PDE4B: variants seen among roughly 807,000 people sequenced by gnomAD.
PDE4B encodes 3',5'-cyclic-AMP phosphodiesterase 4B.
A neutral mutation model predicts 82.2 loss-of-function variants in PDE4B; 20 were observed. The ratio of observed to expected loss-of-function variants is 0.24; its 90% confidence interval spans 0.17 to 0.35. PDE4B has a LOEUF of 0.35. Ranked by LOEUF, PDE4B falls within the 10% of genes least tolerant of loss-of-function variation. The pLI, the probability that PDE4B is intolerant of heterozygous loss-of-function variation, is 1.00. For synonymous variants in PDE4B, 320 were observed against 318.9 expected, an observed-to-expected ratio of 1.00 and a Z score of -0.04; for missense variants, 655 against 907.2, an observed-to-expected ratio of 0.72 and a Z score of 3.57.
chr1:66,230,868 A>G (rs1295212817), intron 3 of PDE4B, among the ~76,000 whole-genome samples: 2 of 152,146 alleles, frequency 1.3e-5, no homozygotes, highest in Non-Finnish European at 2.9e-5. Flanking sequence ...CAACATGGTG[A>G]AACCCTGCTT....
At chr1:65,887,168 T>TTCCC (rs1167173888) in intron 1 of PDE4B, among the ~76,000 whole-genome samples, 5 of 138,130 alleles carry the variant, frequency 3.6e-5, no homozygotes, top group Non-Finnish European at 6.2e-5. Context: ...CCTTCCTTCC[T>TTCCC]TCCCTCCCTC....
At chr1:66,048,119 C>T (rs149862471) in intron 3 of PDE4B, among the ~76,000 whole-genome samples, 11 of 152,008 alleles carry the variant, frequency 7.2e-5, no homozygotes, top group East Asian at 3.9e-4. Flanking sequence ...AGAAAGCTCA[C>T]GGTTCTCTCA....
chr1:66,358,891 T>G (rs988158220), intron 9 of PDE4B, among the ~76,000 whole-genome samples: 7 of 152,080 alleles, frequency 4.6e-5, no homozygotes, highest in Non-Finnish European at 1.0e-4. Flanking sequence ...ACTTGTGTCA[T>G]TCCTATCTTT....
intron 3 of PDE4B, among the ~76,000 whole-genome samples, chr1:66,192,666 T>C (rs1006719253): frequency 6.6e-6 from 1 of 152,162 alleles, no homozygotes; most frequent in Non-Finnish European, 1.5e-5. Context: ...AGACATGGCT[T>C]TCATGGTTTC....
chr1:65,872,402 G>A (rs767685983), intron 1 of PDE4B, among the ~76,000 whole-genome samples: 6 of 151,906 alleles, frequency 3.9e-5, no homozygotes, highest in Admixed American at 2.6e-4. Context: ...GATACTTCTC[G>A]GTAGGGTCCA....
At chr1:66,209,170 G>T (rs1158477020) in intron 3 of PDE4B, among the ~76,000 whole-genome samples, 2 of 152,192 alleles carry the variant, frequency 1.3e-5, no homozygotes, top group Non-Finnish European at 2.9e-5. Flanking sequence ...ACAGCAATCT[G>T]CATGCAAGGA....
At chr1:65,932,892 C>G (rs1217580004) in intron 3 of PDE4B, among the ~76,000 whole-genome samples, 1 of 151,970 alleles carries the variant, frequency 6.6e-6, no homozygotes, top group Non-Finnish European at 1.5e-5. Flanking sequence ...AGAAATTATT[C>G]AGTCAGAAGA....
At chr1:65,838,691 G>C (rs1646173497) in intron 1 of PDE4B, among the ~76,000 whole-genome samples, 1 of 151,040 alleles carries the variant, frequency 6.6e-6, no homozygotes, top group Admixed American at 6.6e-5. Context: ...TGTAGGAGCA[G>C]ATAGTGCTAG....
intron 7 of PDE4B, chr1:66,331,970 A>G (rs1346189123): frequency 2.0e-6 from 2 of 1,015,072 alleles, no homozygotes; most frequent in Non-Finnish European, 2.4e-6. Context: ...AATCCTCAGG[A>G]TGAATGACTG....
At chr1:66,228,549 G>A (rs1335386788) in intron 3 of PDE4B, among the ~76,000 whole-genome samples, 2 of 151,794 alleles carry the variant, frequency 1.3e-5, no homozygotes, top group Non-Finnish European at 2.9e-5. Flanking sequence ...GCATGAACCC[G>A]GGAGGCGGAG....
intron 8 of PDE4B, among the ~76,000 whole-genome samples, chr1:66,353,847 C>G (rs546455489): frequency 2.4e-4 from 37 of 152,284 alleles, no homozygotes; most frequent in Non-Finnish European, 4.3e-4. Flanking sequence ...AAATCTCAAA[C>G]AATTCACCAT....
chr1:66,173,451 C>G (rs188304201), intron 3 of PDE4B, among the ~76,000 whole-genome samples: 1 of 152,264 alleles, frequency 6.6e-6, no homozygotes, highest in Non-Finnish European at 1.5e-5. Context: ...GAATTGTATT[C>G]TATTTTAAGA....
intron 3 of PDE4B, among the ~76,000 whole-genome samples, chr1:66,185,968 G>T (rs1261075996): frequency 6.6e-6 from 1 of 152,096 alleles, no homozygotes; most frequent in African/African-American, 2.4e-5. Context: ...TATGGTTTTA[G>T]GTCTAACATT....
intron 1 of PDE4B, among the ~76,000 whole-genome samples, chr1:65,908,532 A>G (rs756464112): frequency 1.1e-4 from 17 of 152,202 alleles, no homozygotes; most frequent in Non-Finnish European, 2.4e-4. Context: ...CTATACATTT[A>G]GGTGTATCTA....
At chr1:66,217,914 G>A (rs1170817064) in intron 3 of PDE4B, among the ~76,000 whole-genome samples, 1 of 152,142 alleles carries the variant, frequency 6.6e-6, no homozygotes, top group African/African-American at 2.4e-5. Flanking sequence ...TTACTGGCTG[G>A]TGAGAATTTT....
At chr1:66,178,792 A>G (rs547948717) in intron 3 of PDE4B, among the ~76,000 whole-genome samples, 12 of 152,322 alleles carry the variant, frequency 7.9e-5, no homozygotes, top group African/African-American at 2.9e-4. Flanking sequence ...TGAAATATAC[A>G]TGCTCAATAT....
intron 1 of PDE4B, among the ~76,000 whole-genome samples, chr1:65,903,536 G>A (rs1646995010): frequency 1.3e-5 from 2 of 152,034 alleles, no homozygotes; most frequent in South Asian, 2.1e-4. Context: ...TGAGGCTGCA[G>A]TGAGCCATGG....
At chr1:66,079,385 T>G (rs12049155) in intron 3 of PDE4B, among the ~76,000 whole-genome samples, 12,268 of 152,158 alleles carry the variant, frequency 0.081, 915 homozygotes, top group East Asian at 0.26. Context: ...TTGGACCCTT[T>G]ATCTCTGTCA....
intron 7 of PDE4B, among the ~76,000 whole-genome samples, chr1:66,324,856 C>G (rs1468117740): frequency 6.6e-6 from 1 of 152,070 alleles, no homozygotes; most frequent in Non-Finnish European, 1.5e-5. Context: ...GATACTTTAC[C>G]CAAGGTTAAA....
Sources: gnomAD v4.1 joint callset for allele counts (sites outside exome capture counted in the v4.1 genomes callset) on GRCh38, gnomAD v4.1.1 for gene constraint, MANE v1.5 for transcripts, NCBI Gene and HGNC (gene_info 2026-07-23, HGNC 2026-07-21) for gene names.